NEB: variants seen among roughly 807,000 people sequenced by gnomAD.
NEB encodes the protein nemaline myopathy type 2.
Under a neutral mutation model 952.2 loss-of-function variants are expected in NEB, and 512 were observed. That is an observed-to-expected ratio of 0.54 (90% CI 0.50 to 0.58). NEB has a LOEUF of 0.58. NEB is among the 20% of genes least tolerant of loss of function. NEB has a pLI of 0.00. For missense variants in NEB, 8,428 were observed against 9,231.1 expected, an observed-to-expected ratio of 0.91 and a Z score of 3.56; for synonymous variants, 2,900 against 3,149.8, an observed-to-expected ratio of 0.92 and a Z score of 2.66.
At chr2:151,547,997 A>G (rs1401249103) in intron 131 of NEB, among the ~76,000 whole-genome samples, 1 of 152,170 alleles carries the variant, frequency 6.6e-6, no homozygotes, top group Admixed American at 6.5e-5. Context: ...GGTGTAGAAA[A>G]CCAGGATCAT....
intron 22 of NEB, 25 bp from the exon 23 acceptor site, chr2:151,691,993 G>C: frequency 2.5e-6 from 4 of 1,607,670 alleles, no homozygotes; most frequent in Non-Finnish European, 2.6e-6. Context: ...ACCAAAAATA[G>C]ATCATGATTG....
Position 151,516,580 on chromosome 2 carries a change from A to G in NEB, c.22801-17T>C. 1 of 1,498,206 alleles carries G rather than the reference A, an allele frequency of 6.7e-7. No individual in the cohort carries two copies. The highest frequency in any genetic ancestry group is 9.3e-7 in the Non-Finnish European group (1 of 1,078,872). The allele number at this position is 1,498,206 out of a possible 1,614,324, so 92.8% of individuals were successfully genotyped here. ...GTATTTCACCTGGTGATAGAAAGCC[A>G]TGTTAGATATCTCTCCTCTGGTCAA... On this transcript the variant is annotated splice_polypyrimidine_tract_variant and intron_variant, in intron 156 of 181. Coordinates refer to ENST00000397345, the MANE Select transcript of NEB (RefSeq NM_001164508.2).
intron 168 of NEB, among the ~76,000 whole-genome samples, 167 bp downstream of exon 168, chr2:151,501,224 A>C (rs1006813360): frequency 2.0e-5 from 3 of 152,250 alleles, no homozygotes; most frequent in Non-Finnish European, 2.9e-5. Context: ...AATGTTTGTT[A>C]GAATCAAATG....
At chr2:151,729,559 A>G in intron 4 of NEB, 56 bp downstream of exon 4, 1 of 1,584,778 alleles carries the variant, frequency 6.3e-7, no homozygotes, top group South Asian at 1.1e-5. Flanking sequence ...AGAAAGGAGA[A>G]AGCTCTTCCT....
intron 159 of NEB, among the ~76,000 whole-genome samples, chr2:151,513,957 TAG>T (rs1490338893): frequency 1.3e-5 from 2 of 152,198 alleles, no homozygotes; most frequent in Non-Finnish European, 2.9e-5. Context: ...CTTAGAAGAT[TAG>T]AGTATAAAGT....
At chr2:151,699,050 C>T (rs1419345837) in intron 13 of NEB, among the ~76,000 whole-genome samples, 1 of 139,880 alleles carries the variant, frequency 7.1e-6, no homozygotes, top group Non-Finnish European at 1.5e-5. Flanking sequence ...GTGTGATATT[C>T]CCCTTCCTGT....
chr2:151,549,507 C>G lies in NEB; in HGVS notation c.20049+129G>C. 1.3e-5 allele frequency: 9 copies of G among 705,978 alleles called. No individual in the cohort carries two copies. The South Asian group carries it at 1.3e-4, about 10-fold the overall frequency. 43.7% of individuals were successfully genotyped at this position (705,978 alleles called of 1,614,324 possible). A position where few individuals can be genotyped will look rare whatever the true frequency, so the allele number is the denominator to read the frequency against. ...CTCAAAAATATGCTGTCTCTCCTCT[C>G]CAGCTCCCATCATTCTATCAGGTTG... On this transcript the variant is annotated intron_variant, in intron 130 of 181. Coordinates refer to ENST00000397345, the MANE Select transcript of NEB (RefSeq NM_001164508.2).
chr2:151,633,667 T>G lies in NEB; in HGVS notation c.9401A>C (p.Asp3134Ala). 1.2e-6 allele frequency: 2 copies of G among 1,612,676 alleles called. No individual in the cohort carries two copies. ...SDVIHARQAYDLQSDNIYKSD... is the reference protein window; with the variant it reads ...SDVIHARQAYALQSDNIYKSD... ...TGCTGTACTCACGTCACTCTGGAGG[T>G]CATAGGCCTGCCGAGCATGGATGAC... The change falls in exon 65 of 182, where the codon GAC becomes GCC. Residue 3134 changes from aspartate to alanine, a missense_variant. Physicochemically the swap from Asp to Ala is moderately radical, Grantham distance 126. Around this residue, in one of 11 missense-constraint regions of NEB, gnomAD observed 1,772 missense variants for 1,960.3 expected, o/e 0.90. Transcript: ENST00000397345.
intron 20 of NEB, among the ~76,000 whole-genome samples, chr2:151,693,909 CTTACA>C (rs2099576535): frequency 6.6e-6 from 1 of 151,930 alleles, no homozygotes; most frequent in South Asian, 2.1e-4. Context: ...TTACTTTGCC[CTTACA>C]TTAATTTCTT....
rs372645309 is a variant in NEB at position 151,724,848 on chromosome 2, T to C, written c.507+9A>G. The C allele has an allele frequency of 1.9e-5, 30 of 1,609,554 alleles. No homozygotes were observed. The highest frequency in any genetic ancestry group is 4.0e-5 in the African/African-American group (3 of 74,858). The stretch of plus-strand genomic sequence containing the variant: ...CTGAGTACCCCAGCCATCCATATCA[T>C]TGCCTTACCTTACTGACTTGCTGCG... On this transcript the variant is annotated intron_variant, in intron 7 of 181. Transcript: ENST00000397345.
intron 165 of NEB, among the ~76,000 whole-genome samples, chr2:151,505,237 A>C (rs956570425): frequency 1.3e-5 from 2 of 152,196 alleles, no homozygotes; most frequent in African/African-American, 2.4e-5. Context: ...CAAGTCCATG[A>C]GCTTCAAGTC....
In NEB at chr2:151,637,323, C is replaced by T. The variant is rs542975095; in HGVS notation, c.8995-989G>A. On this transcript the variant is annotated intron_variant, in intron 63 of 181. Coordinates refer to ENST00000397345, the MANE Select transcript of NEB (RefSeq NM_001164508.2). ...GTGGCATCAAGTGCAGAGGAAATCA[C>T]GTGAATCAAGGCACCACTGTGGAGG... Among the ~76,000 whole-genome samples, 14 of 152,188 alleles carry T rather than the reference C, an allele frequency of 9.2e-5. No homozygotes were observed. The South Asian group carries it at 1.7e-3, about 18-fold the overall frequency.
chr2:151,510,020 T>TGTAA (rs1232526150), intron 161 of NEB, among the ~76,000 whole-genome samples: 2 of 152,250 alleles, frequency 1.3e-5, no homozygotes, highest in African/African-American at 4.8e-5. Context: ...TATGTCTTTG[T>TGTAA]GTAAGTGTTC....
chr2:151,729,554 G>A, intron 4 of NEB, 61 bp downstream of exon 4: 1 of 1,569,498 alleles, frequency 6.4e-7, no homozygotes, highest in Non-Finnish European at 8.8e-7. Context: ...GTCTAAGAAA[G>A]GAGAAAGCTC....
intron 79 of NEB, 30 bp downstream of exon 79, chr2:151,610,732 G>A: frequency 6.3e-7 from 1 of 1,592,912 alleles, no homozygotes; most frequent in East Asian, 2.2e-5. Flanking sequence ...ATTAATCTTA[G>A]GTTTAAGCAA....
intron 13 of NEB, among the ~76,000 whole-genome samples, chr2:151,701,844 G>T (rs1484945210): frequency 2.8e-5 from 4 of 145,330 alleles, no homozygotes; most frequent in African/African-American, 1.0e-4. Flanking sequence ...TTTTTGAAGG[G>T]TTTTTTGTGT....
intron 28 of NEB, among the ~76,000 whole-genome samples, chr2:151,683,910 G>C (rs2099456532): frequency 6.6e-6 from 1 of 152,134 alleles, no homozygotes; most frequent in African/African-American, 2.4e-5. Context: ...TCTGATACAT[G>C]CTACAACATG....
chr2:151,644,497 C>T lies in NEB; in HGVS notation c.7615G>A (p.Ala2539Thr), dbSNP rs1385572277. The T allele has an allele frequency of 6.2e-7, 1 of 1,613,828 alleles. No individual in the cohort carries two copies. The highest frequency in any genetic ancestry group is 8.5e-7 in the Non-Finnish European group (1 of 1,179,758). ...LPVDAIPIKAAKASREIASEY... is the reference protein window; with the variant it reads ...LPVDAIPIKATKASREIASEY... The stretch of plus-strand genomic sequence containing the variant: ...CTGGCAATTTCCCGGGAGGCTTTTG[C>T]TGCTTTGATTGGTATGGCATCAACA... Residue 2539 changes from alanine (A) to threonine (T), a missense_variant, in exon 56 of 182, where the codon GCA becomes ACA. Ala to Thr is a moderately conservative substitution (Grantham distance 58). Around this residue, in one of 11 missense-constraint regions of NEB, gnomAD observed 1,772 missense variants for 1,960.3 expected, o/e 0.90. Coordinates refer to ENST00000397345, the MANE Select transcript of NEB (RefSeq NM_001164508.2).
rs778960818 is a variant in NEB at position 151,674,460 on chromosome 2, C to G, written c.3987+17G>C. The G allele has an allele frequency of 3.1e-6, 5 of 1,601,190 alleles. No individual in the cohort carries two copies. In the South Asian group the frequency reaches 3.3e-5, roughly 11 times the overall value. ...AAAAAGGCAAACACCTAAACTTCAC[C>G]TAAAATTTGTACTCACATCACTGGC... On this transcript the variant is annotated intron_variant, in intron 36 of 181. Coordinates refer to ENST00000397345, the MANE Select transcript of NEB (RefSeq NM_001164508.2).
Sources: allele counts gnomAD v4.1 joint callset (sites outside exome capture counted in the v4.1 genomes callset), GRCh38; gene constraint gnomAD v4.1.1; regional missense constraint gnomAD v4.1.1; transcripts MANE v1.5; gene names NCBI Gene and HGNC (gene_info 2026-07-23, HGNC 2026-07-21).